COL4A5: variants seen among roughly 807,000 people sequenced by gnomAD.
COL4A5 encodes the protein collagen alpha-5(IV) chain.
Under a neutral mutation model 130.2 loss-of-function variants are expected in COL4A5, and 26 were observed. That is an observed-to-expected ratio of 0.20 (90% CI 0.15 to 0.28). The LOEUF is 0.28. COL4A5 is among the 10% of genes least tolerant of loss of function. The pLI, the probability that COL4A5 is intolerant of heterozygous loss-of-function variation, is 1.00. For missense variants in COL4A5, 1,131 were observed against 1,344.3 expected, an observed-to-expected ratio of 0.84 and a Z score of 2.48; for synonymous variants, 496 against 439.6, an observed-to-expected ratio of 1.13 and a Z score of -1.60.
chrX:108,649,890 A>G (rs2067686515), intron 36 of COL4A5, among the ~76,000 whole-genome samples: 1 of 111,626 alleles, frequency 9.0e-6, no homozygotes, highest in African/African-American at 3.3e-5. Context: ...AATGCAATAA[A>G]AACAAGATAA....
chrX:108,665,244 T>C (rs2068052644), intron 37 of COL4A5, among the ~76,000 whole-genome samples: 1 of 112,144 alleles, frequency 8.9e-6, no homozygotes, highest in Admixed American at 9.5e-5. Flanking sequence ...GGTATATTCA[T>C]ATAATGGAGT....
At chrX:108,679,725 G>C (rs1021885696) in intron 44 of COL4A5, among the ~76,000 whole-genome samples, 3 of 106,175 alleles carry the variant, frequency 2.8e-5, no homozygotes, top group Non-Finnish European at 5.7e-5. Context: ...CTGTAGTTGG[G>C]TGGCTGAGGG....
chrX:108,578,625 A>G (rs1459519878), intron 13 of COL4A5, among the ~76,000 whole-genome samples: 4 of 110,871 alleles, frequency 3.6e-5, no homozygotes, highest in Non-Finnish European at 7.6e-5. Context: ...ATAAGCTGAA[A>G]TGTGGTTATA....
chrX:108,626,195 A>C lies in COL4A5; in HGVS notation c.3107-15A>C. On this transcript the variant is annotated splice_polypyrimidine_tract_variant and intron_variant, in intron 35 of 52. Transcript: ENST00000328300. ...CATATTTTGTAAAATATTATATATC[A>C]CATATTTTCAACAGGGCCTCAGGGT... 2 of 1,199,203 alleles carry C rather than the reference A, an allele frequency of 1.7e-6. No individual in the cohort carries two copies. Among genetic ancestry groups the C allele is most frequent in the Non-Finnish European group, 2.3e-6 (2 of 885,347 alleles).
At chrX:108,624,096 T>C in intron 33 of COL4A5, 140 bp from the exon 34 acceptor site, 1 of 526,414 alleles carries the variant, frequency 1.9e-6, no homozygotes, top group Non-Finnish European at 3.3e-6. Flanking sequence ...AGTCCAGTGC[T>C]AATAGCTCAT....
At position 108,450,720 on chromosome X, in the gene COL4A5, T is replaced by C. The variant is rs181075714; in HGVS notation, c.81+10514T>C. Reference sequence around the variant, plus strand: ...CTCTGCATAGGTCAGTGAACTAATGTTTTCCAAATGACTAATACACAGTGT... The same window carrying C: ...CTCTGCATAGGTCAGTGAACTAATGCTTTCCAAATGACTAATACACAGTGT... On this transcript the variant is annotated intron_variant, in intron 1 of 52. Coordinates refer to ENST00000328300, the MANE Select transcript of COL4A5 (RefSeq NM_033380.3). Among the ~76,000 whole-genome samples, 2 of 111,529 alleles carry C rather than the reference T, an allele frequency of 1.8e-5. 1 individual carries two copies. The highest frequency in any genetic ancestry group is 1.9e-4 in the Admixed American group (2 of 10,512).
In COL4A5 at chrX:108,696,313, A is replaced by G. The variant is rs776465530; in HGVS notation, c.5011A>G (p.Thr1671Ala). 8.3e-7 allele frequency: 1 copy of G among 1,209,107 alleles called. No homozygotes were observed. Among genetic ancestry groups the G allele is most frequent in the East Asian group, 3.0e-5 (1 of 33,832 alleles). The change falls in exon 53 of 53, where the codon ACG becomes GCG. Residue 1671 changes from threonine to alanine, a missense_variant. By Grantham distance (58) the Thr-to-Ala change is moderately conservative. Coordinates refer to ENST00000328300, the MANE Select transcript of COL4A5 (RefSeq NM_033380.3). ...ATTTCCCAGTAAACCTCAGTCAGAA[A>G]CGCTGAAAGCAGGAGACTTGAGGAC... ...SDMFSKPQSETLKAGDLRTRI... is the reference protein window; with the variant it reads ...SDMFSKPQSEALKAGDLRTRI...
chrX:108,660,780 C>G (rs2067941484), intron 37 of COL4A5, among the ~76,000 whole-genome samples: 1 of 110,996 alleles, frequency 9.0e-6, no homozygotes, highest in Admixed American at 9.6e-5. Flanking sequence ...TTTTTAATAA[C>G]TTTGGAAAAT....
intron 1 of COL4A5, among the ~76,000 whole-genome samples, chrX:108,458,775 T>TA (rs933148364): frequency 9.0e-6 from 1 of 111,438 alleles, no homozygotes; most frequent in African/African-American, 3.3e-5. Context: ...GGTCAGGAGA[T>TA]AGAGACCATC....
chrX:108,475,287 TGTA>T (rs1174290814), intron 1 of COL4A5, among the ~76,000 whole-genome samples: 2 of 111,238 alleles, frequency 1.8e-5, no homozygotes, highest in African/African-American at 3.3e-5. Flanking sequence ...TATTATTTCT[TGTA>T]GTAGTAGTAG....
At chrX:108,667,302 C>A in intron 40 of COL4A5, 119 bp downstream of exon 40, 1 of 650,813 alleles carries the variant, frequency 1.5e-6, no homozygotes, top group Non-Finnish European at 2.4e-6. Flanking sequence ...ACCCAGAAAA[C>A]TCAAACCTAG....
intron 36 of COL4A5, among the ~76,000 whole-genome samples, chrX:108,643,629 A>G (rs2067513539): frequency 8.9e-6 from 1 of 111,804 alleles, no homozygotes; most frequent in Non-Finnish European, 1.9e-5. Context: ...ATCATATATT[A>G]AGGAAAGATA....
At chrX:108,695,549 G>A (rs2068719973) in intron 52 of COL4A5, 110 bp downstream of exon 52, 2 of 825,378 alleles carry the variant, frequency 2.4e-6, no homozygotes, top group Non-Finnish European at 3.6e-6. Context: ...GGAATTTATT[G>A]GATTGTGTAC....
intron 51 of COL4A5, 29 bp downstream of exon 51, chrX:108,694,950 A>G (rs1483822450): frequency 2.9e-6 from 3 of 1,023,872 alleles, no homozygotes; most frequent in East Asian, 6.1e-5. Flanking sequence ...TGCATTTGTC[A>G]TCATAGCTGA....
intron 47 of COL4A5, among the ~76,000 whole-genome samples, chrX:108,684,469 A>C (rs2068502993): frequency 8.9e-6 from 1 of 112,352 alleles, no homozygotes; most frequent in Admixed American, 9.4e-5. Context: ...AGAATACTAT[A>C]AACACCTCTA....
intron 2 of COL4A5, among the ~76,000 whole-genome samples, chrX:108,545,405 T>C (rs189636017): frequency 1.5e-4 from 17 of 111,910 alleles, no homozygotes; most frequent in African/African-American, 5.2e-4. Context: ...CAGTTTCATG[T>C]AGTTGAGCAG....
At chrX:108,602,863 T>C (rs1441256254) in intron 27 of COL4A5, 101 bp from the exon 28 acceptor site, 3 of 575,777 alleles carry the variant, frequency 5.2e-6, no homozygotes, top group Non-Finnish European at 8.9e-6. Context: ...GACATCTTAC[T>C]GTTGTCACTA....
intron 37 of COL4A5, among the ~76,000 whole-genome samples, chrX:108,657,253 A>G (rs1298447061): frequency 9.0e-6 from 1 of 111,159 alleles, no homozygotes; most frequent in Admixed American, 9.6e-5. Context: ...TTTTTTTTAA[A>G]GAACCTAAAC....
chrX:108,618,107 T>C (rs1490111492), intron 30 of COL4A5, among the ~76,000 whole-genome samples: 2 of 111,409 alleles, frequency 1.8e-5, no homozygotes, highest in Non-Finnish European at 3.8e-5. Context: ...AACATCAGTA[T>C]ATCCCTATAT....
Sources: gnomAD v4.1 joint callset for allele counts (sites outside exome capture counted in the v4.1 genomes callset) on GRCh38, gnomAD v4.1.1 for gene constraint, MANE v1.5 for transcripts, NCBI Gene and HGNC (gene_info 2026-07-23, HGNC 2026-07-21) for gene names.